Variants in MUC5AC observed in about 807,000 individuals in gnomAD.
MUC5AC encodes the protein mucin-5AC.
MUC5AC carries 158 observed loss-of-function variants against 169.7 expected under a neutral mutation model. That is an observed-to-expected ratio of 0.93 (90% CI 0.82 to 1.06). The LOEUF is 1.06. Among genes scored for constraint, MUC5AC ranks in the 50% least tolerant of loss-of-function variants. The pLI, the probability that MUC5AC is intolerant of heterozygous loss-of-function variation, is 0.00. For synonymous variants in MUC5AC, 1,975 were observed against 1,237.0 expected (o/e 1.60, Z -12.52); for missense variants, 4,359 against 3,089.9 (o/e 1.41, Z -9.74).
Position 1,188,828 on chromosome 11 carries a change from T to A in MUC5AC, c.10683T>A (p.Pro3561=). 1 of 760,656 alleles carries A rather than the reference T, an allele frequency of 1.3e-6. No homozygotes were observed. The highest frequency in any genetic ancestry group is 1.4e-5 in the South Asian group (1 of 73,878). The allele number at this position is 760,656 out of a possible 1,614,324, so 47.1% of individuals were successfully genotyped here. Residue 3561 remains proline (P), a synonymous_variant, in exon 31 of 49, where the codon CCT becomes CCA. Transcript: ENST00000621226. The part of the protein sequence containing the change: ...IRSGEKICRR[P]EEITRLQCRA... ...GTGGGGAAAAAATCTGCCGCCGACC[T>A]GAGGAGATCACCAGGCTCCAGTGCC...
Position 1,191,461 on chromosome 11 carries a change from C to G in MUC5AC, c.13316C>G (p.Thr4439Ser), listed in dbSNP as rs1242248895. ...STASTTSGPG[T>S]TPSPVPTTST... ...GCCAGCACAACCTCTGGTCCTGGAA[C>G]TACTCCCAGCCCTGTTCCCACCACA... The change falls in exon 31 of 49, where the codon ACT becomes AGT. Residue 4439 changes from threonine to serine, a missense_variant. By Grantham distance (58) the Thr-to-Ser change is moderately conservative (BLOSUM62 1). Coordinates refer to ENST00000621226, the MANE Select transcript of MUC5AC (RefSeq NM_001304359.2). 1.2e-4 allele frequency: 87 copies of G among 748,094 alleles called. No individual in the cohort carries two copies. The East Asian group carries it at 1.9e-3, about 17-fold the overall frequency. The allele number at this position is 748,094 out of a possible 1,614,324, so 46.3% of individuals were successfully genotyped here.
chr11:1,161,945 TG>T lies in MUC5AC; in HGVS notation c.254del (p.Gly85AlafsTer49). 1 of 1,611,954 alleles carries T rather than the reference TG, an allele frequency of 6.2e-7. No individual in the cohort carries two copies. The highest frequency in any genetic ancestry group is 8.5e-7 in the Non-Finnish European group (1 of 1,179,620). On this transcript the variant is annotated frameshift_variant, in exon 4 of 49. Coordinates refer to ENST00000621226, the MANE Select transcript of MUC5AC (RefSeq NM_001304359.2). LOFTEE classifies it high-confidence loss of function. ...GCACAACGGGCGGGTGTGCAGCACC[TG>T]GGGCAGCTTCCACTACAAGACCTTC... ...PAHNGRVCST[W>X]GSFHYKTFDG...
Position 1,183,989 on chromosome 11 carries a change from C to G in MUC5AC, c.5844C>G (p.Ser1948=), listed in dbSNP as rs1860871617. 5.1e-6 allele frequency: 2 copies of G among 395,048 alleles called. No homozygotes were observed. The highest frequency in any genetic ancestry group is 4.5e-5 in the African/African-American group (2 of 44,174). 24.5% of individuals were successfully genotyped at this position (395,048 alleles called of 1,614,324 possible). ...SKPTPTEPST[S]SCLQELCTWT... ...CCACCCCCACGGAGCCCAGCACATC[C>G]TCCTGCCTGCAGGAGCTTTGCACCT... Residue 1948 remains serine, a synonymous_variant, in exon 31 of 49, where the codon TCC becomes TCG. Coordinates refer to ENST00000621226, the MANE Select transcript of MUC5AC (RefSeq NM_001304359.2).
At chr11:1,200,240 A>T (rs1861389007) in intron 48 of MUC5AC, among the ~76,000 whole-genome samples, 198 bp from the exon 49 acceptor site, 1 of 152,250 alleles carries the variant, frequency 6.6e-6, no homozygotes, top group African/African-American at 2.4e-5. Flanking sequence ...CCCTCCCATC[A>T]GCACGGAGCC....
intron 20 of MUC5AC, 75 bp downstream of exon 20, chr11:1,176,326 G>A (rs900916815): frequency 2.5e-6 from 1 of 398,752 alleles, no homozygotes; most frequent in East Asian, 3.6e-5. Flanking sequence ...TCCCCAGGGT[G>A]GGCAGTGGTG....
chr11:1,190,690 C>T lies in MUC5AC; in HGVS notation c.12545C>T (p.Thr4182Ile). The change falls in exon 31 of 49, where the codon ACA becomes ATA. Residue 4182 changes from threonine (T) to isoleucine (I), a missense_variant. Physicochemically the swap from Thr to Ile is moderately conservative, Grantham distance 89. Coordinates refer to ENST00000621226, the MANE Select transcript of MUC5AC (RefSeq NM_001304359.2). ...APTTSTISAS[T>I]TSTISAPTTS... ...ACAACCAGCACAATCTCTGCCTCTA[C>T]AACCAGCACAATCTCTGCCCCTACA... 1.4e-6 allele frequency: 1 copy of T among 695,180 alleles called. No homozygotes were observed. Among genetic ancestry groups the T allele is most frequent in the East Asian group, 2.7e-5 (1 of 37,188 alleles). 43.1% of individuals were successfully genotyped at this position (695,180 alleles called of 1,614,324 possible). A position where few individuals can be genotyped will look rare whatever the true frequency, so the allele number is the denominator to read the frequency against.
Position 1,178,486 on chromosome 11 carries a change from G to T in MUC5AC, c.3130G>T (p.Val1044Phe). ...GLCGNFDDIA[V>F]NDFATRSRSV... ...GTGTGGGAACTTCGACGACATCGCC[G>T]TTAATGACTTTGCCACGCGGAGCCG... is the stretch of plus-strand genomic sequence containing the variant. The change falls in exon 25 of 49, where the codon GTT becomes TTT. Residue 1044 changes from valine to phenylalanine, a missense_variant. Transcript: ENST00000621226. The T allele has an allele frequency of 9.8e-7, 1 of 1,024,446 alleles. No homozygotes were observed. 63.5% of individuals were successfully genotyped at this position (1,024,446 alleles called of 1,614,324 possible).
chr11:1,186,059 T>C lies in MUC5AC; in HGVS notation c.7914T>C (p.Pro2638=). Residue 2638 remains proline, a synonymous_variant, in exon 31 of 49, where the codon CCT becomes CCC. Coordinates refer to ENST00000621226, the MANE Select transcript of MUC5AC (RefSeq NM_001304359.2). ...RISGPETTPS[P]VPTASTTSAS... The stretch of plus-strand genomic sequence containing the variant: ...CTGGTCCTGAAACTACTCCCAGCCC[T>C]GTTCCTACCGCCAGCACAACCTCTG... 1 of 740,916 alleles carries C rather than the reference T, an allele frequency of 1.3e-6. No individual in the cohort carries two copies. Among genetic ancestry groups the C allele is most frequent in the Non-Finnish European group, 2.5e-6 (1 of 405,912 alleles). 45.9% of individuals were successfully genotyped at this position (740,916 alleles called of 1,614,324 possible). A position where few individuals can be genotyped will look rare whatever the true frequency, so the allele number is the denominator to read the frequency against.
At chr11:1,163,250 G>A (rs1860199050) in intron 6 of MUC5AC, among the ~76,000 whole-genome samples, 1 of 152,232 alleles carries the variant, frequency 6.6e-6, no homozygotes, top group African/African-American at 2.4e-5. Flanking sequence ...GGAGCAAATC[G>A]CCCATTGGGC....
Position 1,192,191 on chromosome 11 carries a change from G to T in MUC5AC, c.14046G>T (p.Pro4682=), listed in dbSNP as rs78511643. ...TRLQCRAESH[P]EVNIEHLGQV... is the part of the protein sequence containing the mutation. ...TCCAGTGCCGAGCCGAGAGCCACCC[G>T]GAGGTGAACATTGAACACCTGGGTC... The change falls in exon 31 of 49, where the codon CCG becomes CCT. Residue 4682 remains proline (P), a synonymous_variant. Transcript: ENST00000621226. 1.3e-6 allele frequency: 1 copy of T among 765,114 alleles called. No individual in the cohort carries two copies. The highest frequency in any genetic ancestry group is 2.4e-6 in the Non-Finnish European group (1 of 417,916). 47.4% of individuals were successfully genotyped at this position (765,114 alleles called of 1,614,324 possible).
At position 1,188,337 on chromosome 11, in the gene MUC5AC, A is replaced by C; in HGVS notation, c.10192A>C (p.Thr3398Pro). Residue 3398 changes from threonine to proline, a missense_variant, in exon 31 of 49, where the codon ACA (threonine) becomes CCA (proline). Thr to Pro is a conservative substitution (Grantham distance 38). Transcript: ENST00000621226. ...TSTTSAPTTS[T>P]TSTPQTSISS... is the part of the protein sequence containing the mutation. ...CACAACTTCTGCCCCTACAACCAGC[A>C]CAACCTCCACTCCACAGACCAGCAT... is the stretch of plus-strand genomic sequence containing the variant. The C allele has an allele frequency of 1.5e-6, 1 of 653,868 alleles. No individual in the cohort carries two copies. Among genetic ancestry groups the C allele is most frequent in the East Asian group, 2.7e-5 (1 of 37,194 alleles). 40.5% of individuals were successfully genotyped at this position (653,868 alleles called of 1,614,324 possible). A position where few individuals can be genotyped will look rare whatever the true frequency, so the allele number is the denominator to read the frequency against.
Position 1,161,513 on chromosome 11 carries a change from C to T in MUC5AC, c.152-14C>T, listed in dbSNP as rs757574960. ...GGGGCCGTGCGTGAATCCTACCAGC[C>T]CCTGTCTCCGCAGGGGTCCCGCTCC... On this transcript the variant is annotated splice_polypyrimidine_tract_variant and intron_variant, in intron 2 of 48. Transcript: ENST00000621226. 12 of 1,585,460 alleles carry T rather than the reference C, an allele frequency of 7.6e-6. No homozygotes were observed. Among genetic ancestry groups the T allele is most frequent in the East Asian group, 2.3e-5 (1 of 44,142 alleles).
intron 32 of MUC5AC, among the ~76,000 whole-genome samples, chr11:1,193,196 G>A (rs1861169145): frequency 6.6e-6 from 1 of 152,248 alleles, no homozygotes; most frequent in Non-Finnish European, 1.5e-5. Flanking sequence ...GGTGTGTGGG[G>A]CCGAAGGCTG....
At chr11:1,162,712 C>A in intron 5 of MUC5AC, 66 bp downstream of exon 5, 2 of 1,466,504 alleles carry the variant, frequency 1.4e-6, no homozygotes, top group Non-Finnish European at 1.9e-6. Context: ...GCTCCCACAG[C>A]CTCTCCGGAG....
At position 1,190,552 on chromosome 11, in the gene MUC5AC, G is replaced by A; in HGVS notation, c.12407G>A (p.Ser4136Asn). Residue 4136 changes from serine (S) to asparagine (N), a missense_variant, in exon 31 of 49, where the codon AGC (serine) becomes AAC (asparagine). Physicochemically the swap from Ser to Asn is conservative, Grantham distance 46 (BLOSUM62 1). Transcript: ENST00000621226. ...AGCACAACCTCTGCCCCTACAACCAGCACGACCTCAGCTCCTACACACAGA... is the reference window on the plus strand; with the variant it reads ...AGCACAACCTCTGCCCCTACAACCAACACGACCTCAGCTCCTACACACAGA... The part of the protein sequence containing the change: ...TTSTTSAPTT[S>N]TTSAPTHRTT... 1 of 696,414 alleles carries A rather than the reference G, an allele frequency of 1.4e-6. No individual in the cohort carries two copies. Among genetic ancestry groups the A allele is most frequent in the Non-Finnish European group, 2.6e-6 (1 of 381,286 alleles). 43.1% of individuals were successfully genotyped at this position (696,414 alleles called of 1,614,324 possible).
rs1860950433 is a variant in MUC5AC, at chr11:1,186,508, C to G, written c.8363C>G (p.Thr2788Arg). ...TSTISAPTTS[T>R]TLSPTTSTTS... Reference sequence around the variant, plus strand: ...ACAATCTCTGCCCCTACAACCAGCACAACTTTGTCTCCTACAACCAGCACA... The same window carrying G: ...ACAATCTCTGCCCCTACAACCAGCAGAACTTTGTCTCCTACAACCAGCACA... The change falls in exon 31 of 49, where the codon ACA (threonine) becomes AGA (arginine). Residue 2788 changes from threonine to arginine, a missense_variant. Thr to Arg is a moderately conservative substitution (Grantham distance 71, BLOSUM62 -1). Transcript: ENST00000621226. The G allele has an allele frequency of 2.6e-5, 18 of 695,616 alleles. No homozygotes were observed. In the South Asian group the frequency reaches 2.7e-4, roughly 11 times the overall value. 43.1% of individuals were successfully genotyped at this position (695,616 alleles called of 1,614,324 possible). A position where few individuals can be genotyped will look rare whatever the true frequency, so the allele number is the denominator to read the frequency against.
At position 1,180,163 on chromosome 11, in the gene MUC5AC, C is replaced by A; in HGVS notation, c.3613+13C>A. On this transcript the variant is annotated intron_variant, in intron 27 of 48. Coordinates refer to ENST00000621226, the MANE Select transcript of MUC5AC (RefSeq NM_001304359.2). ...CGGGGCCTGGAAGGTGGGCTGGGGCCGGTCGGAGGGTGGCCTGGGCTCCGC... is the reference window on the plus strand; with the variant it reads ...CGGGGCCTGGAAGGTGGGCTGGGGCAGGTCGGAGGGTGGCCTGGGCTCCGC... 4.1e-6 allele frequency: 1 copy of A among 245,008 alleles called. No individual in the cohort carries two copies. 15.2% of individuals were successfully genotyped at this position (245,008 alleles called of 1,614,324 possible). A position where few individuals can be genotyped will look rare whatever the true frequency, so the allele number is the denominator to read the frequency against.
At chr11:1,165,551 C>T in intron 10 of MUC5AC, 71 bp from the exon 11 acceptor site, 1 of 1,598,152 alleles carries the variant, frequency 6.3e-7, no homozygotes, top group Non-Finnish European at 8.5e-7. Context: ...ACCCGGTCAG[C>T]CTCCTGACGC....
chr11:1,166,869 C>A (rs1299661183), intron 11 of MUC5AC, among the ~76,000 whole-genome samples: 3 of 61,944 alleles, frequency 4.8e-5, no homozygotes, highest in African/African-American at 2.2e-4. Flanking sequence ...AACACACAGT[C>A]TCCCCAAGAT....
Sources: gnomAD v4.1 joint callset for allele counts (sites outside exome capture counted in the v4.1 genomes callset) on GRCh38, gnomAD v4.1.1 for gene constraint, MANE v1.5 for transcripts, NCBI Gene and HGNC (gene_info 2026-07-23, HGNC 2026-07-21) for gene names.